GRID2: variants seen among roughly 807,000 people sequenced by gnomAD.
The protein encoded by GRID2 is glutamate ionotropic receptor delta type subunit 2, also known as glutamate receptor ionotropic, delta-2.
GRID2 carries 33 observed loss-of-function variants against 114.8 expected under a neutral mutation model. The ratio of observed to expected loss-of-function variants is 0.29; its 90% CI spans 0.22 to 0.38. GRID2 has a LOEUF of 0.38. GRID2 is among the 10% of genes least tolerant of loss of function. The pLI is 1.00. For missense variants in GRID2, 1,184 were observed against 1,257.7 expected (o/e 0.94, Z 0.89); for synonymous variants, 505 against 449.9 (o/e 1.12, Z -1.55).
At chr4:93,588,842 C>T (rs1042752420) in intron 13 of GRID2, among the ~76,000 whole-genome samples, 3 of 152,032 alleles carry the variant, frequency 2.0e-5, no homozygotes, top group Non-Finnish European at 2.9e-5. Context: ...CAAATCAGAA[C>T]ATTTGACAAC....
At chr4:93,453,340 G>GAA (rs1722887573) in intron 10 of GRID2, among the ~76,000 whole-genome samples, 1 of 151,080 alleles carries the variant, frequency 6.6e-6, no homozygotes, top group African/African-American at 2.4e-5. Flanking sequence ...GAGAGAGAGA[G>GAA]AGAGAGAGAG....
At chr4:92,513,081 T>C (rs1430342215) in intron 1 of GRID2, among the ~76,000 whole-genome samples, 3 of 151,860 alleles carry the variant, frequency 2.0e-5, no homozygotes, top group Non-Finnish European at 4.4e-5. Context: ...TTTATAGCAA[T>C]GACAACCTTC....
At chr4:92,781,551 G>T (rs1214035959) in intron 2 of GRID2, among the ~76,000 whole-genome samples, 1 of 151,860 alleles carries the variant, frequency 6.6e-6, no homozygotes, top group Non-Finnish European at 1.5e-5. Context: ...TGATAGAGAT[G>T]GTTGGAAATT....
intron 4 of GRID2, chr4:93,165,942 A>G (rs999298267): frequency 2.0e-5 from 3 of 152,148 alleles, no homozygotes; most frequent in Non-Finnish European, 2.9e-5. Context: ...ATATTGTTAC[A>G]ATACTAGGAG....
chr4:93,725,174 C>CT (rs1729743951), intron 14 of GRID2, among the ~76,000 whole-genome samples: 1 of 152,126 alleles, frequency 6.6e-6, no homozygotes, highest in Admixed American at 6.5e-5. Context: ...TGATGTTCCC[C>CT]TTCCTGTGTC....
intron 14 of GRID2, among the ~76,000 whole-genome samples, chr4:93,699,771 A>C (rs1042237078): frequency 6.6e-6 from 1 of 152,152 alleles, no homozygotes; most frequent in South Asian, 2.1e-4. Flanking sequence ...TTTTCTCTTT[A>C]AAATTGGTTA....
chr4:93,682,767 T>G lies in GRID2; in HGVS notation c.2360+56332T>G, dbSNP rs199559266. ...GGACACAGGAAGGGGAACATCACAC[T>G]CTGGGGACTGTTGTGGGGTTGGGGG... On this transcript the variant is annotated intron_variant, in intron 14 of 15. Transcript: ENST00000282020. Among the ~76,000 whole-genome samples the G allele has an allele frequency of 2.4e-5, 3 of 127,622 alleles. No individual in the cohort carries two copies. In the East Asian group the frequency reaches 7.9e-4, roughly 34 times the overall value. 83.7% of individuals were successfully genotyped at this position (127,622 alleles called of 152,430 possible). A position where few individuals can be genotyped will look rare whatever the true frequency, so the allele number is the denominator to read the frequency against.
intron 14 of GRID2, among the ~76,000 whole-genome samples, chr4:93,693,188 A>C (rs17021005): frequency 0.041 from 6,258 of 152,300 alleles, 198 homozygotes; most frequent in African/African-American, 0.081. Flanking sequence ...TAACATTTTG[A>C]ATCAGCTTAT....
intron 1 of GRID2, among the ~76,000 whole-genome samples, chr4:92,335,532 A>G (rs895497850): frequency 4.6e-5 from 7 of 152,144 alleles, no homozygotes; most frequent in Non-Finnish European, 7.3e-5. Flanking sequence ...CTCAATTATG[A>G]TTTTCAGTAT....
At chr4:93,536,644 CTTCT>C (rs1310076713) in intron 13 of GRID2, among the ~76,000 whole-genome samples, 2,243 of 77,886 alleles carry the variant, frequency 0.029, 43 homozygotes, top group African/African-American at 0.1. Context: ...ATATTTTTGA[CTTCT>C]TTTTTTTTTT....
At chr4:92,508,568 C>T (rs1182377848) in intron 1 of GRID2, among the ~76,000 whole-genome samples, 1 of 151,676 alleles carries the variant, frequency 6.6e-6, no homozygotes, top group Non-Finnish European at 1.5e-5. Context: ...GGAGAAGACA[C>T]TGAGAAAGAG....
intron 2 of GRID2, among the ~76,000 whole-genome samples, chr4:92,914,210 C>G (rs1748612459): frequency 6.6e-6 from 1 of 151,964 alleles, no homozygotes; most frequent in South Asian, 2.1e-4. Context: ...AACATATTTT[C>G]CCCAATGTTA....
At chr4:92,405,708 C>G (rs962230234) in intron 1 of GRID2, among the ~76,000 whole-genome samples, 1 of 134,792 alleles carries the variant, frequency 7.4e-6, no homozygotes, top group African/African-American at 3.0e-5. Flanking sequence ...AAGTTACATT[C>G]AGTAATACAA....
chr4:92,348,943 A>G (rs1727923332), intron 1 of GRID2, among the ~76,000 whole-genome samples: 3 of 152,082 alleles, frequency 2.0e-5, no homozygotes, highest in Non-Finnish European at 2.9e-5. Flanking sequence ...TGGTGGACCT[A>G]AGAGAGTACT....
At position 93,753,806 on chromosome 4, in the gene GRID2, C is replaced by A. The variant is rs189293667; in HGVS notation, c.2361-15404C>A. ...TGAATAGTGCCAATATATGAAAGTC[C>A]CTGGGGAATCTTGAGAGCCCTTTGG... On this transcript the variant is annotated intron_variant, in intron 14 of 15. Transcript: ENST00000282020. Among the ~76,000 whole-genome samples the A allele has an allele frequency of 4.0e-4, 61 of 152,212 alleles. 2 individuals carry two copies. The highest frequency in any genetic ancestry group is 2.9e-3 in the South Asian group (14 of 4,824).
chr4:93,375,983 T>C (rs1354097081), intron 8 of GRID2, among the ~76,000 whole-genome samples: 1 of 152,134 alleles, frequency 6.6e-6, no homozygotes, highest in Non-Finnish European at 1.5e-5. Flanking sequence ...AGCTTGCAGA[T>C]GGCCAACTTT....
At chr4:92,912,239 A>T (rs1234912155) in intron 2 of GRID2, among the ~76,000 whole-genome samples, 1 of 151,888 alleles carries the variant, frequency 6.6e-6, no homozygotes, top group Non-Finnish European at 1.5e-5. Context: ...ACTTCGTAAA[A>T]GAGAAGGGTA....
chr4:93,058,894 ATTG>A lies in GRID2; in HGVS notation c.245-26098_245-26096del, dbSNP rs551990128. Among the ~76,000 whole-genome samples the A allele has an allele frequency of 2.3e-3, 354 of 152,190 alleles. 2 individuals are homozygous for A. Among genetic ancestry groups the A allele is most frequent in the African/African-American group, 8.1e-3 (337 of 41,566 alleles). On this transcript the variant is annotated intron_variant, in intron 2 of 15. Transcript: ENST00000282020. ...TTAAAATAACTGCATTATAAAAGAA[ATTG>A]TTACTACTTGGTTGCCTTTGTATCA...
chr4:92,904,858 G>A (rs1747837350), intron 2 of GRID2, among the ~76,000 whole-genome samples: 1 of 151,952 alleles, frequency 6.6e-6, no homozygotes, highest in African/African-American at 2.4e-5. Context: ...GAGATGAGTG[G>A]TCCATAAAGC....
Sources: gnomAD v4.1 joint callset for allele counts (sites outside exome capture counted in the v4.1 genomes callset) on GRCh38, gnomAD v4.1.1 for gene constraint, MANE v1.5 for transcripts, NCBI Gene and HGNC (gene_info 2026-07-23, HGNC 2026-07-21) for gene names.